Variants in MALRD1 observed in about 807,000 individuals in gnomAD.
The protein encoded by MALRD1 is MAM and LDL-receptor class A domain-containing protein 1.
MALRD1 carries 247 observed loss-of-function variants against 242.1 expected under a neutral mutation model. The observed-to-expected ratio is 1.02, with a 90% CI of 0.92 to 1.13. MALRD1 has a LOEUF of 1.13. Among genes scored for constraint, MALRD1 ranks in the 50% most tolerant of loss-of-function variants. The probability of loss-of-function intolerance (pLI) is 0.00; values close to 1 mark genes in which losing one functional copy is unlikely to be tolerated. For missense variants in MALRD1, 2,989 were observed against 2,533.1 expected, an observed-to-expected ratio of 1.18 and a Z score of -3.86; for synonymous variants, 995 against 866.6, an observed-to-expected ratio of 1.15 and a Z score of -2.60.
chr10:19,138,414 C>T (rs1014828164), intron 10 of MALRD1, among the ~76,000 whole-genome samples: 15 of 148,084 alleles, frequency 1.0e-4, no homozygotes, highest in African/African-American at 2.0e-4. Flanking sequence ...TTTCTTTCCA[C>T]GTATTTAATT....
intron 1 of MALRD1, among the ~76,000 whole-genome samples, chr10:19,063,336 T>C (rs1005929740): frequency 6.6e-6 from 1 of 152,160 alleles, no homozygotes; most frequent in African/African-American, 2.4e-5. Context: ...CCTTGCTAGA[T>C]TTTTCATAAT....
chr10:19,102,027 A>T (rs1026120256), intron 4 of MALRD1, among the ~76,000 whole-genome samples: 1 of 138,914 alleles, frequency 7.2e-6, no homozygotes, highest in Non-Finnish European at 1.5e-5. Flanking sequence ...TGTTTTAATT[A>T]TAAACTATAT....
At chr10:19,301,252 C>T (rs1003007973) in intron 21 of MALRD1, among the ~76,000 whole-genome samples, 4 of 151,784 alleles carry the variant, frequency 2.6e-5, no homozygotes, top group Non-Finnish European at 5.9e-5. Context: ...ATGCTTATAC[C>T]CTGCTGGTGG....
At chr10:19,669,654 C>G (rs1841823851) in intron 36 of MALRD1, among the ~76,000 whole-genome samples, 1 of 151,646 alleles carries the variant, frequency 6.6e-6, no homozygotes, top group African/African-American at 2.4e-5. Context: ...GAGAACTGAG[C>G]AAATGAAAAT....
At chr10:19,595,043 G>A (rs1473477071) in intron 33 of MALRD1, 151 bp from the exon 34 acceptor site, 11 of 709,628 alleles carry the variant, frequency 1.6e-5, no homozygotes, top group Non-Finnish European at 2.2e-5. Flanking sequence ...AATCAGGTTT[G>A]TAGGCATCAT....
At chr10:19,573,308 G>T (rs990593805) in intron 33 of MALRD1, among the ~76,000 whole-genome samples, 9 of 152,176 alleles carry the variant, frequency 5.9e-5, no homozygotes, top group Admixed American at 2.0e-4. Context: ...CTCAAGGCTG[G>T]CATGGCTCTG....
intron 28 of MALRD1, among the ~76,000 whole-genome samples, chr10:19,448,511 GAATA>G (rs113513943): frequency 0.066 from 10,109 of 152,050 alleles, 1,044 homozygotes; most frequent in African/African-American, 0.23. Flanking sequence ...GCTAGACCTA[GAATA>G]ACAAAGAATA....
Position 19,205,232 on chromosome 10 carries a change from G to A in MALRD1, c.2545G>A (p.Asp849Asn). The A allele has an allele frequency of 6.4e-7, 1 of 1,550,898 alleles. No homozygotes were observed. Residue 849 changes from aspartate (D) to asparagine (N), a missense_variant, in exon 17 of 40, where the codon GAC becomes AAC. By Grantham distance (23) the Asp-to-Asn change is conservative. Transcript: ENST00000454679. ...GCTTCGGTTATGTGATCTGGTGGAT[G>A]ACTGTGGTGATCGTACTGATGAAGT... The part of the protein sequence containing the change: ...EKLRLCDLVD[D>N]CGDRTDEVNC...
At chr10:19,695,923 A>G (rs1179243160) in intron 38 of MALRD1, among the ~76,000 whole-genome samples, 1 of 152,178 alleles carries the variant, frequency 6.6e-6, no homozygotes, top group Non-Finnish European at 1.5e-5. Context: ...CACTATCATA[A>G]GAACAGCATG....
chr10:19,726,742 A>G (rs181558825), intron 38 of MALRD1, among the ~76,000 whole-genome samples: 2 of 152,364 alleles, frequency 1.3e-5, no homozygotes, highest in African/African-American at 4.8e-5. Context: ...TGACATATAC[A>G]TGCAAGGGAA....
At chr10:19,321,528 G>A (rs927058555) in intron 21 of MALRD1, among the ~76,000 whole-genome samples, 1 of 152,090 alleles carries the variant, frequency 6.6e-6, no homozygotes, top group African/African-American at 2.4e-5. Flanking sequence ...TAGCTCCAGA[G>A]TACATGTGAT....
At chr10:19,653,792 G>A (rs1448400545) in intron 36 of MALRD1, among the ~76,000 whole-genome samples, 3 of 152,104 alleles carry the variant, frequency 2.0e-5, no homozygotes, top group African/African-American at 7.2e-5. Flanking sequence ...TTCTTTGGTG[G>A]TCCATGGTGA....
chr10:19,491,023 T>G (rs1837470940), intron 29 of MALRD1: 1 of 196,048 alleles, frequency 5.1e-6, no homozygotes, highest in Admixed American at 5.4e-5. Flanking sequence ...AATAGACAGT[T>G]GCTTTAACCA....
chr10:19,542,693 G>A (rs1410746432), intron 32 of MALRD1, among the ~76,000 whole-genome samples: 1 of 152,150 alleles, frequency 6.6e-6, no homozygotes, highest in African/African-American at 2.4e-5. Flanking sequence ...TTCTCAGTTG[G>A]ATACAAAGAT....
At chr10:19,171,506 G>A (rs1243989498) in intron 13 of MALRD1, among the ~76,000 whole-genome samples, 3 of 135,828 alleles carry the variant, frequency 2.2e-5, no homozygotes, top group Non-Finnish European at 3.1e-5. Context: ...ATATATATGT[G>A]TCTATGTGTG....
At chr10:19,399,699 A>G (rs957275253) in intron 28 of MALRD1, among the ~76,000 whole-genome samples, 26 of 152,212 alleles carry the variant, frequency 1.7e-4, no homozygotes, top group African/African-American at 5.8e-4. Context: ...ATACAAAACA[A>G]TACCATTTGT....
At chr10:19,270,330 T>A (rs1307488359) in intron 19 of MALRD1, among the ~76,000 whole-genome samples, 36 of 107,074 alleles carry the variant, frequency 3.4e-4, no homozygotes, top group African/African-American at 1.5e-3. Context: ...TCTCTCTCTC[T>A]CTCTCTCACA....
In MALRD1 at chr10:19,076,244, A is replaced by G. The variant is rs180974266; in HGVS notation, c.340+9385A>G. On this transcript the variant is annotated intron_variant, in intron 2 of 39. Coordinates refer to ENST00000454679, the MANE Select transcript of MALRD1 (RefSeq NM_001142308.3). ...GTGTAATTTTGATAAAGTCAAATTTAATTATCTATATAGCCATCATCTATC... is the reference window on the plus strand; with the variant it reads ...GTGTAATTTTGATAAAGTCAAATTTGATTATCTATATAGCCATCATCTATC... Among the ~76,000 whole-genome samples the G allele has an allele frequency of 7.6e-4, 115 of 151,506 alleles. 2 individuals are homozygous for G. In the Middle Eastern group the frequency reaches 0.014, roughly 18 times the overall value.
chr10:19,621,601 C>T (rs1291805517), intron 36 of MALRD1, among the ~76,000 whole-genome samples: 2 of 151,488 alleles, frequency 1.3e-5, no homozygotes, highest in East Asian at 3.9e-4. Flanking sequence ...AGAAAAAGAA[C>T]ATGCATATGA....
Sources: gnomAD v4.1 joint callset for allele counts (sites outside exome capture counted in the v4.1 genomes callset) on GRCh38, gnomAD v4.1.1 for gene constraint, MANE v1.5 for transcripts, NCBI Gene and HGNC (gene_info 2026-07-23, HGNC 2026-07-21) for gene names.